The following GNA12 variants were observed in gnomAD, a reference collection of about 807,000 sequenced individuals.
The protein encoded by GNA12 is G protein subunit alpha 12, also known as guanine nucleotide-binding protein subunit alpha-12.
A neutral mutation model predicts 26.0 loss-of-function variants in GNA12; 9 were observed. The observed-to-expected ratio is 0.35, with a 90% confidence interval of 0.21 to 0.60. The LOEUF (loss-of-function observed/expected upper bound fraction) is 0.60, where lower values mean the gene tolerates loss of function less well. Among genes scored for constraint, GNA12 ranks in the 20% least tolerant of loss-of-function variants. The pLI is 0.78. For missense variants in GNA12, 405 were observed against 525.8 expected, an observed-to-expected ratio of 0.77 and a Z score of 2.25; for synonymous variants, 264 against 219.6, an observed-to-expected ratio of 1.20 and a Z score of -1.79.
intron 2 of GNA12, among the ~76,000 whole-genome samples, chr7:2,757,022 C>T (rs761280121): frequency 1.3e-5 from 2 of 151,750 alleles, no homozygotes; most frequent in Non-Finnish European, 2.9e-5. Context: ...TGCAGTGAAC[C>T]GTGATTGTGC....
At chr7:2,812,702 C>T (rs1583301926) in intron 1 of GNA12, among the ~76,000 whole-genome samples, 1 of 113,758 alleles carries the variant, frequency 8.8e-6, no homozygotes, top group East Asian at 2.1e-4. Context: ...ACATCAGGGG[C>T]TTTGTGCTCC....
At chr7:2,777,641 G>A (rs1441953066) in intron 2 of GNA12, among the ~76,000 whole-genome samples, 2 of 152,202 alleles carry the variant, frequency 1.3e-5, no homozygotes, top group Non-Finnish European at 2.9e-5. Context: ...CAGCAGGAAG[G>A]TGGCTGTCTG....
At chr7:2,766,059 C>G (rs1791793978) in intron 2 of GNA12, among the ~76,000 whole-genome samples, 1 of 152,154 alleles carries the variant, frequency 6.6e-6, no homozygotes, top group African/African-American at 2.4e-5. Flanking sequence ...GTTGTGAAAC[C>G]GATCTCCAAA....
chr7:2,731,537 C>T lies in GNA12; in HGVS notation c.790G>A (p.Asp264Asn). ...SSEYDQVLME[D>N]RRTNRLVESM... Reference sequence around the variant, plus strand: ...TCCACCAGCCGGTTGGTGCGCCTGTCCTCCATGAGGACCTGGTCGTACTCG... The same window carrying T: ...TCCACCAGCCGGTTGGTGCGCCTGTTCTCCATGAGGACCTGGTCGTACTCG... Residue 264 changes from aspartate to asparagine, a missense_variant, in exon 4 of 4, where the codon GAC becomes AAC. Coordinates refer to ENST00000275364, the MANE Select transcript of GNA12 (RefSeq NM_007353.3). This position sits in a 1 kb window ranked among gnomAD's most constrained non-coding sequence, Gnocchi z 6.0. 6.2e-7 allele frequency: 1 copy of T among 1,611,526 alleles called. No homozygotes were observed. The highest frequency in any genetic ancestry group is 1.3e-5 in the African/African-American group (1 of 74,994).
intron 1 of GNA12, among the ~76,000 whole-genome samples, chr7:2,823,704 A>C (rs1030807973): frequency 9.9e-5 from 15 of 152,210 alleles, no homozygotes; most frequent in African/African-American, 3.1e-4. Context: ...AAGCTAAAAA[A>C]AAAATTAAAA....
chr7:2,780,048 G>GTATGTATATATATATA, intron 2 of GNA12, among the ~76,000 whole-genome samples: 1 of 84,728 alleles, frequency 1.2e-5, no homozygotes, highest in African/African-American at 5.7e-5. Flanking sequence ...ACATTTCTGT[G>GTATGTATATATATATA]TACATATATA....
At chr7:2,827,823 A>C (rs1793519375) in intron 1 of GNA12, among the ~76,000 whole-genome samples, 1 of 152,168 alleles carries the variant, frequency 6.6e-6, no homozygotes, top group Admixed American at 6.5e-5. Context: ...ACATCGCGCA[A>C]ATTTTTTTAG....
At chr7:2,829,627 T>C (rs185942312) in intron 1 of GNA12, among the ~76,000 whole-genome samples, 40 of 152,372 alleles carry the variant, frequency 2.6e-4, no homozygotes, top group Non-Finnish European at 4.9e-4. Flanking sequence ...TTATACAATA[T>C]AGAGCACTCT....
intron 2 of GNA12, among the ~76,000 whole-genome samples, chr7:2,736,433 AGG>A (rs758108480): frequency 8.2e-6 from 1 of 121,614 alleles, no homozygotes; most frequent in African/African-American, 2.7e-5. Context: ...CACACCTGAC[AGG>A]GGCCTGTCCC....
At chr7:2,810,391 G>C (rs1793052535) in intron 1 of GNA12, among the ~76,000 whole-genome samples, 1 of 152,166 alleles carries the variant, frequency 6.6e-6, no homozygotes, top group Admixed American at 6.5e-5. Context: ...CCTAACACCA[G>C]CACCTTAAGG....
intron 1 of GNA12, among the ~76,000 whole-genome samples, chr7:2,811,205 C>G (rs578104521): frequency 6.6e-6 from 1 of 152,208 alleles, no homozygotes; most frequent in African/African-American, 2.4e-5. Context: ...TCAGGGAAGA[C>G]GGCTCAGCCT....
chr7:2,765,405 C>T (rs189056316), intron 2 of GNA12, among the ~76,000 whole-genome samples: 65 of 151,782 alleles, frequency 4.3e-4, no homozygotes, highest in African/African-American at 1.5e-3. Flanking sequence ...GTGATCCGCC[C>T]GCCTCGGCCT....
intron 2 of GNA12, among the ~76,000 whole-genome samples, chr7:2,751,159 A>G (rs377709974): frequency 6.6e-6 from 1 of 152,150 alleles, no homozygotes; most frequent in Admixed American, 6.5e-5. Context: ...AGGCTGAGGC[A>G]GGTGGACTGG....
chr7:2,841,691 C>T (rs930286977), intron 1 of GNA12, among the ~76,000 whole-genome samples: 2 of 152,132 alleles, frequency 1.3e-5, no homozygotes, highest in Non-Finnish European at 2.9e-5. Context: ...ATGTCAAGTG[C>T]GAATACTGGC....
rs753862309 is a variant in GNA12 at position 2,835,153 on chromosome 7, C to G, written c.309+8700G>C. On this transcript the variant is annotated intron_variant, in intron 1 of 3. Transcript: ENST00000275364. ...GATGTGAAATTTAGTAATGAAAACGCTCTTGGGATTTAACGCATCACACAT... is the reference window on the plus strand; with the variant it reads ...GATGTGAAATTTAGTAATGAAAACGGTCTTGGGATTTAACGCATCACACAT... Among the ~76,000 whole-genome samples the G allele has an allele frequency of 5.2e-4, 79 of 152,100 alleles. 1 individual carries two copies. Among genetic ancestry groups the G allele is most frequent in the Non-Finnish European group, 1.3e-4 (9 of 68,016 alleles).
intron 2 of GNA12, among the ~76,000 whole-genome samples, chr7:2,782,415 G>C (rs957562103): frequency 1.3e-5 from 2 of 152,094 alleles, no homozygotes; most frequent in Non-Finnish European, 2.9e-5. Flanking sequence ...CTCTGTGTTT[G>C]GAAATGTCTC....
At chr7:2,807,440 G>A (rs986545513) in intron 1 of GNA12, among the ~76,000 whole-genome samples, 1 of 151,718 alleles carries the variant, frequency 6.6e-6, no homozygotes, top group African/African-American at 2.4e-5. Context: ...AAGGTATAAA[G>A]AACAATTTAA....
In GNA12 at chr7:2,730,823, G is replaced by A. The variant is rs922157240; in HGVS notation, c.*358C>T. ...TTGTGTTTCTGTCATTAAAGACAGA[G>A]CGTGTGTACACACATACACACACAA... On this transcript the variant is annotated 3_prime_UTR_variant, in exon 4 of 4. Transcript: ENST00000275364. The A allele has an allele frequency of 1.0e-5, 2 of 196,558 alleles. No individual in the cohort carries two copies. The highest frequency in any genetic ancestry group is 2.8e-4 in the South Asian group (2 of 7,146). The allele number at this position is 196,558 out of a possible 1,614,324, so 12.2% of individuals were successfully genotyped here.
intron 1 of GNA12, among the ~76,000 whole-genome samples, chr7:2,800,301 A>C (rs1333004782): frequency 1.3e-5 from 2 of 152,218 alleles, no homozygotes; most frequent in African/African-American, 4.8e-5. Flanking sequence ...TGGACAAGAG[A>C]TTCATGGTTG....
Sources: allele counts gnomAD v4.1 joint callset (sites outside exome capture counted in the v4.1 genomes callset), GRCh38; gene constraint gnomAD v4.1.1; non-coding constraint Gnocchi (gnomAD v3.1); transcripts MANE v1.5; gene names NCBI Gene and HGNC (gene_info 2026-07-23, HGNC 2026-07-21).